ABCC1: variants seen among roughly 807,000 people sequenced by gnomAD.
ABCC1 encodes the protein multidrug resistance-associated protein 1.
ABCC1 carries 83 observed loss-of-function variants against 172.9 expected under a neutral mutation model. The ratio of observed to expected loss-of-function variants is 0.48; its 90% CI spans 0.40 to 0.58. The LOEUF (loss-of-function observed/expected upper bound fraction) is 0.58. ABCC1 is among the 20% of genes least tolerant of loss of function. The pLI, the probability that ABCC1 is intolerant of heterozygous loss-of-function variation, is 0.00. For missense variants in ABCC1, 1,817 were observed against 2,002.7 expected (o/e 0.91, Z 1.77); for synonymous variants, 937 against 825.2 (o/e 1.14, Z -2.32).
At chr16:16,023,804 A>T (rs72775872) in intron 5 of ABCC1, among the ~76,000 whole-genome samples, 7,298 of 152,186 alleles carry the variant, frequency 0.048, 205 homozygotes, top group Middle Eastern at 0.12. Context: ...AAGGAATGCG[A>T]GGCTCTGGCC....
chr16:16,111,195 G>A (rs2052372128), intron 21 of ABCC1, among the ~76,000 whole-genome samples, 180 bp from the exon 22 acceptor site: 1 of 152,164 alleles, frequency 6.6e-6, no homozygotes, highest in Non-Finnish European at 1.5e-5. Flanking sequence ...CACGGCGCCT[G>A]GCCCTCGACT....
At chr16:15,962,760 G>C (rs977693813) in intron 1 of ABCC1, among the ~76,000 whole-genome samples, 1 of 152,208 alleles carries the variant, frequency 6.6e-6, no homozygotes, top group Non-Finnish European at 1.5e-5. Flanking sequence ...CCTCCAGTGA[G>C]GTCCCTCCAC....
At chr16:15,999,264 C>T (rs889421436) in intron 1 of ABCC1, among the ~76,000 whole-genome samples, 12 of 152,060 alleles carry the variant, frequency 7.9e-5, no homozygotes, top group African/African-American at 2.7e-4. Flanking sequence ...CTTGGCCTCC[C>T]GAAGTGCTGG....
rs2050878611 is a variant in ABCC1, at chr16:16,083,342, C to T, written c.2116-24C>T. 5 of 1,609,778 alleles carry T rather than the reference C, an allele frequency of 3.1e-6. No homozygotes were observed. In the East Asian group the frequency reaches 1.1e-4, roughly 36 times the overall value. On this transcript the variant is annotated intron_variant, in intron 16 of 30. Transcript: ENST00000399410. ...CAGATCTGTCTGTGTGTCTGTCTCA[C>T]CTCGTTCTCCATTTGCAACTTAGGG...
rs45475593 is a variant in ABCC1 at position 15,957,814 on chromosome 16, G to C, written c.48+8015G>C. Among the ~76,000 whole-genome samples the C allele has an allele frequency of 2.0e-5, 3 of 152,150 alleles. No homozygotes were observed. The East Asian group carries it at 5.9e-4, about 30-fold the overall frequency. On this transcript the variant is annotated intron_variant, in intron 1 of 30. Coordinates refer to ENST00000399410, the MANE Select transcript of ABCC1 (RefSeq NM_004996.4). ...CCAGTATGTTGGCCAGCATGGCCTC[G>C]ATCTCTTGACCTCGTGATCCGCCCG... is the stretch of plus-strand genomic sequence containing the variant.
In ABCC1 at chr16:16,076,552, G is replaced by T. The variant is rs1423678786; in HGVS notation, c.1988+151G>T. 4 of 698,558 alleles carry T rather than the reference G, an allele frequency of 5.7e-6. No homozygotes were observed. The South Asian group carries it at 8.4e-5, about 15-fold the overall frequency. The allele number at this position is 698,558 out of a possible 1,614,324, so 43.3% of individuals were successfully genotyped here. ...ACTTAGCTTACCCATCTGGACAATG[G>T]GTGCAGATACACCTGCTTAGGCTGT... On this transcript the variant is annotated intron_variant, in intron 15 of 30. Transcript: ENST00000399410.
intron 5 of ABCC1, among the ~76,000 whole-genome samples, chr16:16,017,849 G>A (rs1181426410): frequency 6.6e-6 from 1 of 152,080 alleles, no homozygotes; most frequent in African/African-American, 2.4e-5. Context: ...GTAGTGGGTG[G>A]AGCAAACACC....
At chr16:16,085,041 G>A (rs570417228) in intron 17 of ABCC1, among the ~76,000 whole-genome samples, 86 of 152,294 alleles carry the variant, frequency 5.6e-4, no homozygotes, top group African/African-American at 2.0e-3. Context: ...TGAGGAAAAA[G>A]GAGGCACAGA....
Position 16,086,882 on chromosome 16 carries a change from C to G in ABCC1, c.2351C>G (p.Ser784Cys). 6.2e-7 allele frequency: 1 copy of G among 1,614,210 alleles called. No homozygotes were observed. The highest frequency in any genetic ancestry group is 1.7e-5 in the Admixed American group (1 of 60,026). The stretch of plus-strand genomic sequence containing the variant: ...GTGAGCCTGGCCCGGGCCGTGTACT[C>G]CAACGCTGACATTTACCTCTTCGAT... ...QRVSLARAVY[S>C]NADIYLFDDP... The change falls in exon 18 of 31, where the codon TCC becomes TGC. Residue 784 changes from serine to cysteine, a missense_variant. Around this residue, in one of 3 missense-constraint regions of ABCC1, gnomAD observed 1,412 missense variants for 1,600.3 expected, o/e 0.88. Coordinates refer to ENST00000399410, the MANE Select transcript of ABCC1 (RefSeq NM_004996.4).
rs564495080 is a variant in ABCC1, at chr16:16,119,129, G to A, written c.3391-2846G>A. On this transcript the variant is annotated intron_variant, in intron 23 of 30. Transcript: ENST00000399410. ...AAAGAAGCCAGACGAAAAAGAGTAG[G>A]TACTGTGAGATTTCATTTATATGAA... Among the ~76,000 whole-genome samples, 7 of 152,260 alleles carry A rather than the reference G, an allele frequency of 4.6e-5. No individual in the cohort carries two copies. The East Asian group carries it at 1.2e-3, about 25-fold the overall frequency.
chr16:16,016,419 G>C, intron 4 of ABCC1, 77 bp from the exon 5 acceptor site: 1 of 1,576,476 alleles, frequency 6.3e-7, no homozygotes, highest in Non-Finnish European at 8.6e-7. Flanking sequence ...CTCCAAAAGT[G>C]CTAGGATTAC....
intron 6 of ABCC1, among the ~76,000 whole-genome samples, chr16:16,035,181 C>T (rs2048708465): frequency 6.6e-6 from 1 of 151,958 alleles, no homozygotes; most frequent in Non-Finnish European, 1.5e-5. Context: ...GTGGGTGGAT[C>T]ACCTGAGGTC....
chr16:16,001,562 G>T (rs914711299), intron 1 of ABCC1, among the ~76,000 whole-genome samples: 30 of 152,112 alleles, frequency 2.0e-4, no homozygotes, highest in Admixed American at 1.7e-3. Context: ...GAAGAGAGAA[G>T]GCCATTAGAT....
rs1056638408 is a variant in ABCC1, at chr16:16,088,901, G to T, written c.2461-1504G>T. Among the ~76,000 whole-genome samples the T allele has an allele frequency of 3.3e-5, 5 of 152,108 alleles. No homozygotes were observed. The South Asian group carries it at 1.0e-3, about 32-fold the overall frequency. ...TTTTATTTTTATTTTGTGGAGACAGGTCTCACTATGTTTCCCAGGCTGGTT... is the reference window on the plus strand; with the variant it reads ...TTTTATTTTTATTTTGTGGAGACAGTTCTCACTATGTTTCCCAGGCTGGTT... On this transcript the variant is annotated intron_variant, in intron 18 of 30. Transcript: ENST00000399410.
chr16:16,057,624 G>A (rs1020223021), intron 12 of ABCC1, among the ~76,000 whole-genome samples: 3 of 151,956 alleles, frequency 2.0e-5, no homozygotes, highest in Non-Finnish European at 4.4e-5. Context: ...ACAGTTTCGT[G>A]TACGCTTTTA....
At chr16:16,073,732 G>A (rs964520175) in intron 14 of ABCC1, among the ~76,000 whole-genome samples, 1 of 152,166 alleles carries the variant, frequency 6.6e-6, no homozygotes, top group Non-Finnish European at 1.5e-5. Flanking sequence ...ACTCCAGCCT[G>A]GGTGTCAGAG....
At chr16:16,086,334 C>G (rs1259287798) in intron 17 of ABCC1, among the ~76,000 whole-genome samples, 1 of 152,226 alleles carries the variant, frequency 6.6e-6, no homozygotes, top group Non-Finnish European at 1.5e-5. Flanking sequence ...GGGCCTGGCT[C>G]CAGGTTTGTG....
At chr16:16,135,504 C>G (rs1365382288) in intron 28 of ABCC1, among the ~76,000 whole-genome samples, 4 of 151,978 alleles carry the variant, frequency 2.6e-5, no homozygotes, top group African/African-American at 4.8e-5. Context: ...ACTCTGTCAC[C>G]CAGTGCAGTG....
intron 16 of ABCC1, among the ~76,000 whole-genome samples, chr16:16,083,126 G>A (rs1472303833): frequency 6.6e-6 from 1 of 152,156 alleles, no homozygotes; most frequent in East Asian, 1.9e-4. Context: ...TCTTATCAAC[G>A]AGGATATCAA....
Sources: allele counts gnomAD v4.1 joint callset (sites outside exome capture counted in the v4.1 genomes callset), GRCh38; gene constraint gnomAD v4.1.1; regional missense constraint gnomAD v4.1.1; transcripts MANE v1.5; gene names NCBI Gene and HGNC (gene_info 2026-07-23, HGNC 2026-07-21).